Variants in TULP4 observed in about 807,000 individuals in gnomAD.
The protein encoded by TULP4 is tubby-related protein 4.
A neutral mutation model predicts 129.0 loss-of-function variants in TULP4; 16 were observed. That is an observed-to-expected ratio of 0.12 (90% CI 0.08 to 0.19). The LOEUF is 0.19. Ranked by LOEUF, TULP4 falls within the 10% of genes least tolerant of loss-of-function variation. The probability of loss-of-function intolerance (pLI) is 1.00; values close to 1 mark genes in which losing one functional copy is unlikely to be tolerated. For synonymous variants in TULP4, 998 were observed against 854.0 expected (o/e 1.17, Z -2.94); for missense variants, 1,842 against 2,059.1 (o/e 0.89, Z 2.04).
intron 4 of TULP4, 33 bp downstream of exon 4, chr6:158,449,209 C>T (rs1176217912): frequency 1.3e-6 from 2 of 1,586,288 alleles, no homozygotes; most frequent in African/African-American, 2.7e-5. Context: ...TTGTCACTGA[C>T]CAGAAGGACA....
intron 1 of TULP4, among the ~76,000 whole-genome samples, chr6:158,342,805 A>G (rs1490045641): frequency 6.6e-6 from 1 of 152,220 alleles, no homozygotes; most frequent in East Asian, 1.9e-4. Flanking sequence ...AAAAAATCAT[A>G]TAGGGCTGTT....
chr6:158,341,833 T>C (rs1363095991), intron 1 of TULP4, among the ~76,000 whole-genome samples: 1 of 152,242 alleles, frequency 6.6e-6, no homozygotes, highest in Non-Finnish European at 1.5e-5. Flanking sequence ...GATGGGTGGT[T>C]TGCAAATACT....
chr6:158,346,440 G>T (rs1780314839), intron 1 of TULP4, among the ~76,000 whole-genome samples: 1 of 152,178 alleles, frequency 6.6e-6, no homozygotes, highest in Admixed American at 6.5e-5. Context: ...ATGAGCCACT[G>T]CACCTCATCT....
At chr6:158,356,185 T>G (rs963205837) in intron 1 of TULP4, among the ~76,000 whole-genome samples, 2 of 152,250 alleles carry the variant, frequency 1.3e-5, no homozygotes, top group Non-Finnish European at 2.9e-5. Context: ...GTTAGTGGTG[T>G]TTAAATCGTG....
intron 1 of TULP4, among the ~76,000 whole-genome samples, chr6:158,255,613 C>A (rs760833898): frequency 6.6e-5 from 10 of 152,158 alleles, no homozygotes; most frequent in Admixed American, 2.0e-4. Flanking sequence ...GGAACTGTTA[C>A]AATTGTTTTG....
At chr6:158,285,272 T>C (rs144659562) in intron 1 of TULP4, among the ~76,000 whole-genome samples, 547 of 152,356 alleles carry the variant, frequency 3.6e-3, no homozygotes, top group Admixed American at 6.3e-3. Flanking sequence ...AACAATTCTT[T>C]ATAACAAATA....
chr6:158,324,063 T>G (rs1779693629), intron 1 of TULP4, among the ~76,000 whole-genome samples: 1 of 152,184 alleles, frequency 6.6e-6, no homozygotes, highest in Non-Finnish European at 1.5e-5. Flanking sequence ...TAGTGGAAAC[T>G]TACCTAGTTT....
At chr6:158,368,088 A>AG (rs398003190) in intron 1 of TULP4, among the ~76,000 whole-genome samples, 2 of 149,666 alleles carry the variant, frequency 1.3e-5, no homozygotes, top group African/African-American at 4.9e-5. Flanking sequence ...AAAAAAAAAA[A>AG]GGAGCTTCCT....
chr6:158,301,662 A>G (rs2128476178), intron 1 of TULP4, among the ~76,000 whole-genome samples: 1 of 152,328 alleles, frequency 6.6e-6, no homozygotes, highest in East Asian at 1.9e-4. Context: ...ATGTTGAACT[A>G]TTAGCCCAGT....
chr6:158,371,409 T>C (rs568770351), intron 1 of TULP4, among the ~76,000 whole-genome samples: 1 of 152,344 alleles, frequency 6.6e-6, no homozygotes, highest in South Asian at 2.1e-4. Context: ...TTTTTGGCTC[T>C]AGTTTCTGTC....
intron 1 of TULP4, among the ~76,000 whole-genome samples, chr6:158,344,601 G>A (rs1404918746): frequency 6.6e-6 from 1 of 152,160 alleles, no homozygotes; most frequent in East Asian, 1.9e-4. Context: ...CAAACTGTGT[G>A]CATATAAGAC....
At position 158,449,130 on chromosome 6, in the gene TULP4, C is replaced by T. The variant is rs1779112475; in HGVS notation, c.678C>T (p.Asp226=). Residue 226 remains aspartate, a synonymous_variant, in exon 4 of 14, where the codon GAC becomes GAT. Coordinates refer to ENST00000367097, the MANE Select transcript of TULP4 (RefSeq NM_020245.5). ...ACTACCCGATCTTCCTGGTGGAGGA[C>T]AGCAGCGAGAGCGACACGGACTCAG... ...SWNYPIFLVE[D]SSESDTDSDD... is the part of the protein sequence containing the mutation. The T allele has an allele frequency of 6.2e-7, 1 of 1,613,928 alleles. No individual in the cohort carries two copies. The highest frequency in any genetic ancestry group is 8.5e-7 in the Non-Finnish European group (1 of 1,180,004).
Position 158,493,267 on chromosome 6 carries a change from A to G in TULP4, c.1632-306A>G, listed in dbSNP as rs12214074. Among the ~76,000 whole-genome samples the G allele has an allele frequency of 0.051, 7,720 of 151,698 alleles. 245 individuals are homozygous for G. Among genetic ancestry groups the G allele is most frequent in the South Asian group, 0.088 (422 of 4,796 alleles). The stretch of plus-strand genomic sequence containing the variant: ...TAATCGTAGCTCATTGCAGCCTTGA[A>G]CTCCTGGGCTCAAGCGATCCTCCTG... On this transcript the variant is annotated intron_variant, in intron 9 of 13. Transcript: ENST00000367097. The surrounding 1 kb of genome is among the most constrained non-coding windows in gnomAD (Gnocchi z 4.4).
chr6:158,353,921 G>T (rs1461756469), intron 1 of TULP4, among the ~76,000 whole-genome samples: 2 of 152,198 alleles, frequency 1.3e-5, no homozygotes, highest in Admixed American at 6.5e-5. Context: ...TTATGTGGGC[G>T]CTTGTTGAGA....
At chr6:158,501,627 G>T (rs781279507) in intron 12 of TULP4, 51 bp from the exon 13 acceptor site, 8 of 1,555,106 alleles carry the variant, frequency 5.1e-6, no homozygotes, top group Non-Finnish European at 7.0e-6. Flanking sequence ...TCCTGATCTG[G>T]TTTAATGGCA....
At chr6:158,396,412 A>G (rs1379690377) in intron 1 of TULP4, among the ~76,000 whole-genome samples, 2 of 152,222 alleles carry the variant, frequency 1.3e-5, no homozygotes, top group Admixed American at 1.3e-4. Flanking sequence ...TCTTTGAGGC[A>G]GTGGTCCATT....
At position 158,510,630 on chromosome 6, in the gene TULP4, G is replaced by C. The variant is rs548335139; in HGVS notation, c.*3936G>C. On this transcript the variant is annotated 3_prime_UTR_variant, in exon 14 of 14. Transcript: ENST00000367097. ...CAGTGCATTTAAAGTAATATCTTTT[G>C]TGCACCTCTAAATGTGTTTGGAATT... 2 of 152,150 alleles carry C rather than the reference G, an allele frequency of 1.3e-5. No homozygotes were observed. The highest frequency in any genetic ancestry group is 2.9e-5 in the Non-Finnish European group (2 of 68,046). The allele number at this position is 152,150 out of a possible 1,614,324, so 9.4% of individuals were successfully genotyped here.
At position 158,268,035 on chromosome 6, in the gene TULP4, C is replaced by CTT. The variant is rs773811376; in HGVS notation, n.68+35748_68+35749dup. Among the ~76,000 whole-genome samples, 446 of 72,746 alleles carry CTT rather than the reference C, an allele frequency of 6.1e-3. 5 individuals are homozygous for CTT. The highest frequency in any genetic ancestry group is 0.016 in the South Asian group (35 of 2,236). The allele number at this position is 72,746 out of a possible 152,430, so 47.7% of individuals were successfully genotyped here. A position where few individuals can be genotyped will look rare whatever the true frequency, so the allele number is the denominator to read the frequency against. ...TTCTTTTCTTTTCTTTTTCTTTTTTCTTTTTTTTTTTTTTTTTGAGACGTA... is the reference window on the plus strand; with the variant it reads ...TTCTTTTCTTTTCTTTTTCTTTTTTCTTTTTTTTTTTTTTTTTTTGAGACGTA... On this transcript the variant is annotated intron_variant and non_coding_transcript_variant, in intron 1 of 1. Coordinates refer to the TULP4 transcript ENST00000620026.
intron 1 of TULP4, 120 bp downstream of exon 1, chr6:158,314,388 G>T: frequency 8.2e-7 from 1 of 1,221,164 alleles, no homozygotes; most frequent in Non-Finnish European, 1.1e-6. Flanking sequence ...GACTTCCCAT[G>T]CTGTGAGTTC....
Sources: allele counts gnomAD v4.1 joint callset (sites outside exome capture counted in the v4.1 genomes callset), GRCh38; gene constraint gnomAD v4.1.1; non-coding constraint Gnocchi (gnomAD v3.1); transcripts MANE v1.5; gene names NCBI Gene and HGNC (gene_info 2026-07-23, HGNC 2026-07-21).